The following HIVEP2 variants were observed in gnomAD, a reference collection of about 807,000 sequenced individuals.
HIVEP2 encodes transcription factor HIVEP2.
A neutral mutation model predicts 180.7 loss-of-function variants in HIVEP2; 14 were observed. The observed-to-expected ratio is 0.08, with a 90% confidence interval of 0.05 to 0.12. The LOEUF (loss-of-function observed/expected upper bound fraction) is 0.12. Ranked by LOEUF, HIVEP2 falls within the 10% of genes least tolerant of loss-of-function variation. The pLI, the probability that HIVEP2 is intolerant of heterozygous loss-of-function variation, is 1.00. For synonymous variants in HIVEP2, 1,184 were observed against 1,136.4 expected (o/e 1.04, Z -0.84); for missense variants, 2,579 against 3,008.5 (o/e 0.86, Z 3.34).
In HIVEP2 at chr6:142,753,630, T is replaced by C. The variant is rs1190619387; in HGVS notation, c.6818A>G (p.Lys2273Arg). The stretch of plus-strand genomic sequence containing the variant: ...CTGCTTAGAAAGCACATAGGGGTCC[T>C]TGGAGAAGGACTCCCCTGACGCGCC... ...KKGASGESFS[K>R]DPYVLSKQHE... is the part of the protein sequence containing the mutation. The change falls in exon 10 of 10, where the codon AAG becomes AGG. Residue 2273 changes from lysine to arginine, a missense_variant. Physicochemically the swap from Lys to Arg is conservative, Grantham distance 26. Coordinates refer to ENST00000367603, the MANE Select transcript of HIVEP2 (RefSeq NM_006734.4). 4 of 1,614,082 alleles carry C rather than the reference T, an allele frequency of 2.5e-6. No individual in the cohort carries two copies. The highest frequency in any genetic ancestry group is 1.1e-5 in the South Asian group (1 of 91,094).
chr6:142,887,561 T>C (rs1210846333), intron 1 of HIVEP2, among the ~76,000 whole-genome samples: 1 of 152,214 alleles, frequency 6.6e-6, no homozygotes, highest in East Asian at 1.9e-4. Flanking sequence ...ACATATTAAC[T>C]ATCAATTCAG....
At chr6:142,899,230 C>T (rs1039277674) in intron 1 of HIVEP2, among the ~76,000 whole-genome samples, 1 of 152,070 alleles carries the variant, frequency 6.6e-6, no homozygotes, top group African/African-American at 2.4e-5. Flanking sequence ...TCCTTTTTTG[C>T]TAAGGCTTTA....
intron 1 of HIVEP2, among the ~76,000 whole-genome samples, chr6:142,848,355 C>T (rs748329463): frequency 1.3e-5 from 2 of 152,136 alleles, no homozygotes; most frequent in African/African-American, 2.4e-5. Flanking sequence ...CTTTTCCTGA[C>T]ACACACAGCT....
chr6:142,804,939 T>C (rs773640933), intron 2 of HIVEP2, among the ~76,000 whole-genome samples: 2 of 152,150 alleles, frequency 1.3e-5, no homozygotes, highest in Non-Finnish European at 2.9e-5. Context: ...TCCTTTCAAT[T>C]GGATTCCACA....
chr6:142,878,159 A>G (rs991869115), intron 1 of HIVEP2, among the ~76,000 whole-genome samples: 5 of 152,200 alleles, frequency 3.3e-5, no homozygotes, highest in Non-Finnish European at 1.5e-5. Context: ...CTGATGCAGT[A>G]AATTGTCTCC....
At chr6:142,806,974 T>A (rs1417022584) in intron 2 of HIVEP2, among the ~76,000 whole-genome samples, 2 of 152,150 alleles carry the variant, frequency 1.3e-5, no homozygotes, top group African/African-American at 4.8e-5. Flanking sequence ...AGGTACTGCA[T>A]GGATTATTCT....
At chr6:142,863,401 T>A (rs890608815) in intron 1 of HIVEP2, among the ~76,000 whole-genome samples, 2 of 152,024 alleles carry the variant, frequency 1.3e-5, no homozygotes, top group African/African-American at 4.8e-5. Context: ...AAATCTCAGA[T>A]TCTTTTGGAA....
intron 2 of HIVEP2, among the ~76,000 whole-genome samples, chr6:142,825,565 C>T (rs1016986566): frequency 9.2e-5 from 14 of 152,070 alleles, no homozygotes; most frequent in Non-Finnish European, 1.5e-5. Flanking sequence ...GAAAATAAAA[C>T]TTAGAAATCA....
At chr6:142,932,001 C>T (rs1246229469) in intron 1 of HIVEP2, among the ~76,000 whole-genome samples, 1 of 152,148 alleles carries the variant, frequency 6.6e-6, no homozygotes, top group Non-Finnish European at 1.5e-5. Flanking sequence ...GGTGTGTGTG[C>T]CCAGGTAAAG....
chr6:142,803,807 T>C (rs990333842), intron 2 of HIVEP2, among the ~76,000 whole-genome samples: 2 of 152,072 alleles, frequency 1.3e-5, no homozygotes, highest in Non-Finnish European at 2.9e-5. Context: ...GAGAGATGAC[T>C]TCTCTTCTTT....
chr6:142,835,034 G>C (rs893799308), intron 2 of HIVEP2, among the ~76,000 whole-genome samples: 2 of 152,032 alleles, frequency 1.3e-5, no homozygotes, highest in African/African-American at 4.8e-5. Flanking sequence ...ATGTTGACAG[G>C]CTAAAGAATC....
Position 142,753,418 on chromosome 6 carries a change from C to T in HIVEP2, c.7030G>A (p.Ala2344Thr). Residue 2344 changes from alanine (A) to threonine (T), a missense_variant, in exon 10 of 10, where the codon GCT becomes ACT. This residue lies in a region of HIVEP2 where 660 missense variants were observed against 731.7 expected (regional missense o/e 0.90). Coordinates refer to ENST00000367603, the MANE Select transcript of HIVEP2 (RefSeq NM_006734.4). ...ASLRIATEEA[A>T]LLGPDQPARV... ...GCTGGCTGATCTGGCCCGAGCAGAG[C>T]TGCCTCTTCCGTGGCAATCCGGAGA... The T allele has an allele frequency of 2.5e-6, 4 of 1,613,986 alleles. No homozygotes were observed. The highest frequency in any genetic ancestry group is 4.5e-5 in the East Asian group (2 of 44,880).
rs1260201691 is a variant in HIVEP2 at position 142,923,914 on chromosome 6, A to C, written c.-641+21185T>G. 2.0e-5 allele frequency among the ~76,000 whole-genome samples: 3 copies of C among 152,248 alleles called. No individual in the cohort carries two copies. The East Asian group carries it at 5.8e-4, about 29-fold the overall frequency. On this transcript the variant is annotated intron_variant, in intron 1 of 9. Transcript: ENST00000367603. ...AAATATGAAATAGGTTTAAGAACTC[A>C]AAGAATCTTTGGATCTCAAACCGCT... is the stretch of plus-strand genomic sequence containing the variant.
At chr6:142,872,659 G>C (rs1197206722) in intron 1 of HIVEP2, among the ~76,000 whole-genome samples, 2 of 152,148 alleles carry the variant, frequency 1.3e-5, no homozygotes, top group South Asian at 2.1e-4. Context: ...GGAAACCAAA[G>C]GAAAAGGTCC....
chr6:142,758,454 G>A (rs1481867980), intron 9 of HIVEP2, among the ~76,000 whole-genome samples: 5 of 152,186 alleles, frequency 3.3e-5, no homozygotes, highest in Non-Finnish European at 5.9e-5. Flanking sequence ...AACAGAGCTG[G>A]GAGCTGGCAG....
intron 3 of HIVEP2, among the ~76,000 whole-genome samples, 195 bp downstream of exon 3, chr6:142,783,326 C>CAAAAAAAAAAA (rs567202980): frequency 2.8e-5 from 2 of 71,044 alleles, no homozygotes; most frequent in African/African-American, 1.1e-4. Context: ...GACTCCGTCA[C>CAAAAAAAAAAA]AAAAAAAAAA....
intron 2 of HIVEP2, among the ~76,000 whole-genome samples, chr6:142,818,512 A>G (rs554227829): frequency 6.6e-6 from 1 of 151,840 alleles, no homozygotes; most frequent in African/African-American, 2.4e-5. Flanking sequence ...CTTCGTCTCC[A>G]CAAAAAATTA....
intron 1 of HIVEP2, among the ~76,000 whole-genome samples, chr6:142,842,700 G>C (rs1182628069): frequency 6.6e-6 from 1 of 151,562 alleles, no homozygotes; most frequent in Non-Finnish European, 1.5e-5. Context: ...TTCTTTCCCA[G>C]AGTTCAAAAT....
At chr6:142,938,823 TTAAA>T (rs1466798832) in intron 1 of HIVEP2, among the ~76,000 whole-genome samples, 2 of 152,170 alleles carry the variant, frequency 1.3e-5, no homozygotes, top group African/African-American at 4.8e-5. Flanking sequence ...AATGAAACCA[TTAAA>T]TAAATCTTTG....
Sources: gnomAD v4.1 joint callset for allele counts (sites outside exome capture counted in the v4.1 genomes callset) on GRCh38, gnomAD v4.1.1 for gene constraint, gnomAD v4.1.1 regional missense constraint, MANE v1.5 for transcripts, NCBI Gene and HGNC (gene_info 2026-07-23, HGNC 2026-07-21) for gene names.